The following OLFM4 variants were observed in gnomAD, a reference collection of about 807,000 sequenced individuals.
OLFM4 encodes olfactomedin-4.
In OLFM4, 22 loss-of-function variants were observed where a neutral mutation model predicts 25.5. The observed-to-expected ratio is 0.86, with a 90% CI of 0.62 to 1.23. The LOEUF (loss-of-function observed/expected upper bound fraction) is 1.23, where lower values mean the gene tolerates loss of function less well. Ranked by LOEUF, OLFM4 falls within the 50% of genes most tolerant of loss-of-function variation. The probability of loss-of-function intolerance (pLI) is 0.00; values close to 1 mark genes in which losing one functional copy is unlikely to be tolerated. For synonymous variants in OLFM4, 255 were observed against 237.7 expected (o/e 1.07, Z -0.67); for missense variants, 594 against 619.4 (o/e 0.96, Z 0.44).
intron 4 of OLFM4, among the ~76,000 whole-genome samples, chr13:53,045,313 T>C (rs1257199721): frequency 6.6e-6 from 1 of 152,142 alleles, no homozygotes; most frequent in Non-Finnish European, 1.5e-5. Flanking sequence ...TTTAAGCAAA[T>C]TGGACCCAGA....
chr13:53,050,283 G>T lies in OLFM4; in HGVS notation c.1045G>T (p.Ala349Ser), dbSNP rs1954739726. ...YVNMYNTGNIARVNLTTNTIA... is the reference protein window; with the variant it reads ...YVNMYNTGNISRVNLTTNTIA... ...CAACATGTACAACACCGGGAATATT[G>T]CCAGAGTTAACCTGACCACCAACAC... The change falls in exon 5 of 5, where the codon GCC becomes TCC. Residue 349 changes from alanine (A) to serine (S), a missense_variant. Physicochemically the swap from Ala to Ser is moderately conservative, Grantham distance 99 (BLOSUM62 1). Coordinates refer to ENST00000219022, the MANE Select transcript of OLFM4 (RefSeq NM_006418.5). 6.2e-7 allele frequency: 1 copy of T among 1,614,046 alleles called. No individual in the cohort carries two copies. The highest frequency in any genetic ancestry group is 8.5e-7 in the Non-Finnish European group (1 of 1,179,964).
Position 53,050,048 on chromosome 13 carries a change from A to C in OLFM4, c.810A>C (p.Leu270=). Residue 270 remains leucine (L), a synonymous_variant, in exon 5 of 5, where the codon CTA becomes CTC. Transcript: ENST00000219022. ...TCAACTGGAGAGGGTTTTCTTATCT[A>C]TATGGTGCTTGGGGTAGGGATTACT... The part of the protein sequence containing the change: ...VQLNWRGFSY[L]YGAWGRDYSP... 1 of 1,613,970 alleles carries C rather than the reference A, an allele frequency of 6.2e-7. No homozygotes were observed. Among genetic ancestry groups the C allele is most frequent in the East Asian group, 2.2e-5 (1 of 44,874 alleles).
intron 2 of OLFM4, among the ~76,000 whole-genome samples, chr13:53,038,746 C>T (rs935557300): frequency 6.6e-6 from 1 of 152,208 alleles, no homozygotes; most frequent in African/African-American, 2.4e-5. Context: ...AAGACTGCAC[C>T]TCCCAGGAGG....
chr13:53,037,315 C>G (rs2138234463), intron 2 of OLFM4, among the ~76,000 whole-genome samples: 1 of 152,284 alleles, frequency 6.6e-6, no homozygotes, highest in East Asian at 1.9e-4. Flanking sequence ...TTCTCTTTCT[C>G]TGGAGGCTTA....
At chr13:53,043,822 C>T (rs1954701277) in intron 4 of OLFM4, among the ~76,000 whole-genome samples, 1 of 152,190 alleles carries the variant, frequency 6.6e-6, no homozygotes, top group African/African-American at 2.4e-5. Flanking sequence ...CCCCACATAT[C>T]ATGTGCTTGT....
chr13:53,048,699 G>T (rs2138242833), intron 4 of OLFM4, among the ~76,000 whole-genome samples: 1 of 152,262 alleles, frequency 6.6e-6, no homozygotes, highest in Non-Finnish European at 1.5e-5. Context: ...CTCACCTCAT[G>T]TTCCTCAATG....
chr13:53,034,214 G>T, intron 1 of OLFM4, 134 bp from the exon 2 acceptor site: 2 of 782,906 alleles, frequency 2.6e-6, no homozygotes, highest in Admixed American at 3.0e-5. Flanking sequence ...TTGTTTCTAT[G>T]ATTCTATTCA....
At chr13:53,038,343 T>C (rs973260616) in intron 2 of OLFM4, among the ~76,000 whole-genome samples, 1 of 152,192 alleles carries the variant, frequency 6.6e-6, no homozygotes, top group Non-Finnish European at 1.5e-5. Flanking sequence ...CATGTTCTGA[T>C]AAATGCATCG....
intron 4 of OLFM4, among the ~76,000 whole-genome samples, 190 bp downstream of exon 4, chr13:53,043,454 A>G (rs1247079560): frequency 6.8e-6 from 1 of 148,136 alleles, no homozygotes; most frequent in East Asian, 2.0e-4. Flanking sequence ...ACATGCTATC[A>G]TATTCTGGGT....
At chr13:53,044,205 G>A (rs917290050) in intron 4 of OLFM4, among the ~76,000 whole-genome samples, 9 of 152,132 alleles carry the variant, frequency 5.9e-5, no homozygotes, top group African/African-American at 2.2e-4. Context: ...TAATTGAAGC[G>A]AAAGCCTTGC....
At chr13:53,038,266 G>A (rs555619505) in intron 2 of OLFM4, among the ~76,000 whole-genome samples, 2 of 152,086 alleles carry the variant, frequency 1.3e-5, no homozygotes, top group African/African-American at 4.8e-5. Context: ...CACCACTACC[G>A]CCCTCCCTCC....
chr13:53,050,826 C>CCGAGGCGGGCGGAT lies in OLFM4; in HGVS notation c.*56_*57insGAGGCGGGCGGATC. On this transcript the variant is annotated 3_prime_UTR_variant, in exon 5 of 5. Transcript: ENST00000219022. ...ATGTTTGTTGAAAAAATAGTCTTCTCCACTTACTTAGATATCTGCAGGGGT... is the reference window on the plus strand; with the variant it reads ...ATGTTTGTTGAAAAAATAGTCTTCTCCGAGGCGGGCGGATCACTTACTTAGATATCTGCAGGGGT... 2 of 1,459,858 alleles carry CCGAGGCGGGCGGAT rather than the reference C, an allele frequency of 1.4e-6. No individual in the cohort carries two copies. The highest frequency in any genetic ancestry group is 1.8e-6 in the Non-Finnish European group (2 of 1,087,180). The allele number at this position is 1,459,858 out of a possible 1,614,324, so 90.4% of individuals were successfully genotyped here. A position where few individuals can be genotyped will look rare whatever the true frequency, so the allele number is the denominator to read the frequency against.
intron 3 of OLFM4, among the ~76,000 whole-genome samples, chr13:53,042,747 G>A (rs952468033): frequency 1.3e-5 from 2 of 152,096 alleles, no homozygotes; most frequent in Non-Finnish European, 2.9e-5. Flanking sequence ...AGCTTTCTCT[G>A]GCCCTCACCA....
chr13:53,050,488 T>C lies in OLFM4; in HGVS notation c.1250T>C (p.Val417Ala), dbSNP rs1440678403. 1 of 1,613,952 alleles carries C rather than the reference T, an allele frequency of 6.2e-7. No homozygotes were observed. Among genetic ancestry groups the C allele is most frequent in the African/African-American group, 1.3e-5 (1 of 74,902 alleles). ...ISKLNDTTLQ[V>A]LNTWYTKQYK... The stretch of plus-strand genomic sequence containing the variant: ...AAACTCAATGACACCACACTTCAGG[T>C]GCTAAACACTTGGTATACCAAGCAG... The change falls in exon 5 of 5, where the codon GTG becomes GCG. Residue 417 changes from valine to alanine, a missense_variant. Val to Ala is a moderately conservative substitution (Grantham distance 64). Coordinates refer to ENST00000219022, the MANE Select transcript of OLFM4 (RefSeq NM_006418.5).
chr13:53,034,482 T>G lies in OLFM4; in HGVS notation c.339T>G (p.Phe113Leu), dbSNP rs1423864611. The change falls in exon 2 of 5, where the codon TTT becomes TTG. Residue 113 changes from phenylalanine (F) to leucine (L), a missense_variant. Phe to Leu is a conservative substitution (Grantham distance 22). Coordinates refer to ENST00000219022, the MANE Select transcript of OLFM4 (RefSeq NM_006418.5). Reference protein sequence around the residue: ...EFTAHVLSQKFEKELSKVREY... With the variant: ...EFTAHVLSQKLEKELSKVREY... ...CAGCTCATGTTCTTTCTCAGAAGTTTGAGAAAGAACTTTCCAAAGTAAGCA... is the reference window on the plus strand; with the variant it reads ...CAGCTCATGTTCTTTCTCAGAAGTTGGAGAAAGAACTTTCCAAAGTAAGCA... The G allele has an allele frequency of 6.2e-7, 1 of 1,612,186 alleles. No homozygotes were observed. The highest frequency in any genetic ancestry group is 1.7e-5 in the Admixed American group (1 of 59,600).
chr13:53,034,386 G>A lies in OLFM4; in HGVS notation c.243G>A (p.Gly81=). ...TCACCGGCTCCGTGGATGACCGTGG[G>A]ACCTGCCAGTGCTCTGTTTCCCTGC... The part of the protein sequence containing the change: ...SNFTGSVDDR[G]TCQCSVSLPD... The change falls in exon 2 of 5, where the codon GGG becomes GGA. Residue 81 remains glycine, a synonymous_variant. Transcript: ENST00000219022. The A allele has an allele frequency of 1.2e-6, 2 of 1,613,936 alleles. No individual in the cohort carries two copies. Among genetic ancestry groups the A allele is most frequent in the Non-Finnish European group, 1.7e-6 (2 of 1,179,966 alleles).
At chr13:53,034,630 G>A in intron 2 of OLFM4, 130 bp downstream of exon 2, 5 of 819,544 alleles carry the variant, frequency 6.1e-6, no homozygotes, top group Non-Finnish European at 9.3e-6. Flanking sequence ...GGTGATTTTA[G>A]TATTTATTTT....
chr13:53,029,076 A>G, intron 1 of OLFM4, 36 bp downstream of exon 1: 1 of 1,609,014 alleles, frequency 6.2e-7, no homozygotes, highest in Non-Finnish European at 8.5e-7. Context: ...AGCTGCATTC[A>G]TTCCCTTCCA....
intron 3 of OLFM4, among the ~76,000 whole-genome samples, chr13:53,042,422 G>C (rs4886118): frequency 6.6e-6 from 1 of 151,956 alleles, no homozygotes; most frequent in Admixed American, 6.6e-5. Flanking sequence ...GTTGAACAAC[G>C]GTTCATGGCC....
Sources: allele counts gnomAD v4.1 joint callset (sites outside exome capture counted in the v4.1 genomes callset), GRCh38; gene constraint gnomAD v4.1.1; transcripts MANE v1.5; gene names NCBI Gene and HGNC (gene_info 2026-07-23, HGNC 2026-07-21).